SLC17A1: variants seen among roughly 807,000 people sequenced by gnomAD.
SLC17A1 encodes the protein solute carrier family 17 member 1, also known as sodium-dependent phosphate transport protein 1.
A neutral mutation model predicts 53.5 loss-of-function variants in SLC17A1; 51 were observed. The ratio of observed to expected loss-of-function variants is 0.95; its 90% CI spans 0.76 to 1.20. The LOEUF is 1.20. SLC17A1 is among the 50% of genes most tolerant of loss of function. SLC17A1 has a pLI of 0.00. For synonymous variants in SLC17A1, 179 were observed against 198.8 expected (o/e 0.90, Z 0.84); for missense variants, 538 against 568.2 (o/e 0.95, Z 0.54).
At chr6:25,727,627 A>T in the SLC17A1 span, among the ~76,000 whole-genome samples, 1 of 151,612 alleles carries the variant, frequency 6.6e-6, no homozygotes, top group Non-Finnish European at 1.5e-5. Flanking sequence ...CGATCTGGTG[A>T]TCACCCACCT....
At chr6:25,764,321 G>A in the SLC17A1 span, among the ~76,000 whole-genome samples, 1 of 152,104 alleles carries the variant, frequency 6.6e-6, no homozygotes, top group African/African-American at 2.4e-5. Flanking sequence ...TATCAGGGAC[G>A]GTATCCTTTC....
rs73383227 is a variant in SLC17A1, at chr6:25,794,859, C to T, written c.*2+3924G>A. 8.9e-3 allele frequency among the ~76,000 whole-genome samples: 1,362 copies of T among 152,284 alleles called. 18 individuals are homozygous for T. Among genetic ancestry groups the T allele is most frequent in the African/African-American group, 0.03 (1,233 of 41,558 alleles). ...AATGGCTTCTAGGCTACAGGAGAAACGCAAGGCCATGATTCTGCCTTTTCT... is the reference window on the plus strand; with the variant it reads ...AATGGCTTCTAGGCTACAGGAGAAATGCAAGGCCATGATTCTGCCTTTTCT... On this transcript the variant is annotated intron_variant, in intron 12 of 12. Coordinates refer to ENST00000244527, the MANE Select transcript of SLC17A1 (RefSeq NM_005074.5).
chr6:25,726,538 C>A, the SLC17A1 span: 246 of 1,599,046 alleles, frequency 1.5e-4, 1 homozygote, highest in Admixed American at 3.9e-4. Context: ...CTCCTCGCAT[C>A]AAATTGCAGC....
the SLC17A1 span, among the ~76,000 whole-genome samples, chr6:25,760,488 T>G: frequency 6.6e-6 from 1 of 152,184 alleles, no homozygotes; most frequent in Non-Finnish European, 1.5e-5. Flanking sequence ...TCATTTTGAT[T>G]CCTGAATCTG....
Position 25,826,595 on chromosome 6 carries a change from G to A in SLC17A1, c.73C>T (p.Leu25Phe). 1 of 1,596,570 alleles carries A rather than the reference G, an allele frequency of 6.3e-7. No homozygotes were observed. The highest frequency in any genetic ancestry group is 1.1e-5 in the South Asian group (1 of 88,040). Residue 25 changes from leucine to phenylalanine, a missense_variant, in exon 3 of 13, where the codon CTT becomes TTT. Coordinates refer to ENST00000244527, the MANE Select transcript of SLC17A1 (RefSeq NM_005074.5). ...ATTATAACATTACAACAGTGCACAA[G>A]GAAAGACAATCCATAGCGAAAGGAA... ...FCSFRYGLSF[L>F]VHCCNVIITA...
intron 11 of SLC17A1, 84 bp downstream of exon 11, chr6:25,800,806 T>C: frequency 1.2e-6 from 1 of 850,898 alleles, no homozygotes; most frequent in Non-Finnish European, 1.9e-6. Context: ...CCTTCTGGCA[T>C]CTTCTCTGCA....
At chr6:25,820,200 T>C (rs6913879) in intron 3 of SLC17A1, among the ~76,000 whole-genome samples, 42,364 of 152,108 alleles carry the variant, frequency 0.28, 6,399 homozygotes, top group African/African-American at 0.4. Flanking sequence ...TTCTTGAATG[T>C]TGCTAAACTG....
rs188978586 is a variant in SLC17A1, at chr6:25,793,156, C to T, written c.*2+5627G>A. Among the ~76,000 whole-genome samples, 75 of 152,300 alleles carry T rather than the reference C, an allele frequency of 4.9e-4. 1 individual carries two copies. The highest frequency in any genetic ancestry group is 2.0e-4 in the Admixed American group (3 of 15,288). ...AGATTGAACCACCCTGCCCTTCATT[C>T]TCCCTCTTAGGAATACTGAGCTCAC... On this transcript the variant is annotated intron_variant, in intron 12 of 12. Coordinates refer to ENST00000244527, the MANE Select transcript of SLC17A1 (RefSeq NM_005074.5).
At chr6:25,795,750 CA>C (rs2151478030) in intron 12 of SLC17A1, among the ~76,000 whole-genome samples, 1 of 21,048 alleles carries the variant, frequency 4.8e-5, no homozygotes, top group Admixed American at 5.2e-4. Flanking sequence ...AGCACACACC[CA>C]CACCCACACC....
downstream of SLC17A1, among the ~76,000 whole-genome samples, chr6:25,782,362 T>TA (rs1169388789): frequency 8.5e-5 from 13 of 152,282 alleles, no homozygotes; most frequent in African/African-American, 2.9e-4. Context: ...GACAAGCTCT[T>TA]AAAGTTCAGG....
intron 10 of SLC17A1, among the ~76,000 whole-genome samples, chr6:25,810,422 A>C (rs1307495557): frequency 6.6e-6 from 1 of 152,136 alleles, no homozygotes; most frequent in East Asian, 1.9e-4. Flanking sequence ...ACAAGAAAAC[A>C]ACCCAATTAA....
At chr6:25,764,000 T>C in the SLC17A1 span, among the ~76,000 whole-genome samples, 3 of 152,188 alleles carry the variant, frequency 2.0e-5, no homozygotes, top group Non-Finnish European at 2.9e-5. Flanking sequence ...GTCAGGTTGG[T>C]TACTTTCAGA....
chr6:25,759,286 G>C, the SLC17A1 span, among the ~76,000 whole-genome samples: 60 of 148,534 alleles, frequency 4.0e-4, no homozygotes, highest in African/African-American at 8.3e-4. Context: ...TTGTTGGGTA[G>C]AGTGTTCTGT....
chr6:25,795,573 A>G (rs868539831), intron 12 of SLC17A1, among the ~76,000 whole-genome samples: 3 of 152,146 alleles, frequency 2.0e-5, no homozygotes, highest in Non-Finnish European at 4.4e-5. Flanking sequence ...TTTTAATGAC[A>G]ATAACTGCAG....
chr6:25,741,972 A>C, the SLC17A1 span, among the ~76,000 whole-genome samples: 1 of 152,314 alleles, frequency 6.6e-6, no homozygotes, highest in Non-Finnish European at 1.5e-5. Context: ...TGAGGGTCTC[A>C]AACTTCAAAC....
intron 12 of SLC17A1, among the ~76,000 whole-genome samples, chr6:25,797,687 C>A (rs1173380296): frequency 6.6e-6 from 1 of 151,698 alleles, no homozygotes; most frequent in African/African-American, 2.4e-5. Flanking sequence ...GCAACCTCTG[C>A]CTCCTGAGTT....
chr6:25,777,889 T>C, the SLC17A1 span: 24 of 1,545,224 alleles, frequency 1.6e-5, no homozygotes, highest in Admixed American at 1.7e-4. Flanking sequence ...AACGTAGGTA[T>C]ACTTGGTTAT....
chr6:25,775,642 G>T, the SLC17A1 span, among the ~76,000 whole-genome samples: 3 of 151,920 alleles, frequency 2.0e-5, no homozygotes, highest in Non-Finnish European at 4.4e-5. Flanking sequence ...TGGCTAGGCT[G>T]GTCTCGAACT....
intron 3 of SLC17A1, among the ~76,000 whole-genome samples, chr6:25,825,929 C>T (rs1581500784): frequency 6.6e-6 from 1 of 152,048 alleles, no homozygotes; most frequent in East Asian, 1.9e-4. Context: ...TACTGATGAG[C>T]CCCTCAAAAG....
Sources: allele counts gnomAD v4.1 joint callset (sites outside exome capture counted in the v4.1 genomes callset), GRCh38; gene constraint gnomAD v4.1.1; transcripts MANE v1.5; gene names NCBI Gene and HGNC (gene_info 2026-07-23, HGNC 2026-07-21).